Variants in LSAMP observed in about 807,000 individuals in gnomAD.
The protein encoded by LSAMP is limbic system associated membrane protein.
In LSAMP, 7 loss-of-function variants were observed where a neutral mutation model predicts 38.6. That is an observed-to-expected ratio of 0.18 (90% CI 0.10 to 0.34). The LOEUF is 0.34. Ranked by LOEUF, LSAMP falls within the 10% of genes least tolerant of loss-of-function variation. The pLI is 1.00. For missense variants in LSAMP, 313 were observed against 420.0 expected (o/e 0.75, Z 2.23); for synonymous variants, 154 against 166.8 (o/e 0.92, Z 0.59).
At chr3:115,939,574 T>TTCTTTCTTTCTTTC (rs1559889099) in intron 3 of LSAMP, among the ~76,000 whole-genome samples, 6 of 149,570 alleles carry the variant, frequency 4.0e-5, no homozygotes, top group East Asian at 2.0e-4. Context: ...CTTTCTTTCT[T>TTCTTTCTTTCTTTC]TCTTTCTTTC....
intron 1 of LSAMP, among the ~76,000 whole-genome samples, chr3:116,331,972 G>A (rs1165878442): frequency 1.3e-5 from 2 of 151,750 alleles, no homozygotes; most frequent in East Asian, 3.9e-4. Flanking sequence ...CAAGTAGCTG[G>A]GACTACAAGA....
At chr3:115,977,559 C>T (rs1223445607) in intron 3 of LSAMP, among the ~76,000 whole-genome samples, 3 of 152,138 alleles carry the variant, frequency 2.0e-5, no homozygotes, top group African/African-American at 7.2e-5. Flanking sequence ...TTGTCCTTTG[C>T]CTGAAATGCT....
chr3:116,433,972 C>A (rs534942839), intron 1 of LSAMP, among the ~76,000 whole-genome samples: 1 of 152,262 alleles, frequency 6.6e-6, no homozygotes, highest in East Asian at 1.9e-4. Context: ...TCCCAAAATA[C>A]CCCCATTTGC....
At chr3:115,932,276 G>A (rs143153889) in intron 3 of LSAMP, among the ~76,000 whole-genome samples, 292 of 152,248 alleles carry the variant, frequency 1.9e-3, no homozygotes, top group African/African-American at 6.7e-3. Flanking sequence ...TGGGAGAAAG[G>A]AAATTTGGAC....
intron 1 of LSAMP, among the ~76,000 whole-genome samples, chr3:116,184,256 A>C (rs1457968216): frequency 6.6e-6 from 1 of 151,868 alleles, no homozygotes; most frequent in Non-Finnish European, 1.5e-5. Context: ...CCAATGATGG[A>C]TTTTACTACC....
chr3:116,052,987 C>G (rs1253677242), intron 2 of LSAMP, among the ~76,000 whole-genome samples: 1 of 152,178 alleles, frequency 6.6e-6, no homozygotes, highest in Non-Finnish European at 1.5e-5. Flanking sequence ...TATAAGTCAG[C>G]CTGCTCTTAG....
chr3:115,872,655 C>T (rs10514760), intron 3 of LSAMP, among the ~76,000 whole-genome samples: 29,345 of 151,920 alleles, frequency 0.19, 3,697 homozygotes, highest in African/African-American at 0.34. Flanking sequence ...GAGGAAAGAA[C>T]GTAAGTATTT....
At chr3:116,407,934 T>G (rs1201509033) in intron 1 of LSAMP, among the ~76,000 whole-genome samples, 1 of 152,016 alleles carries the variant, frequency 6.6e-6, no homozygotes, top group East Asian at 1.9e-4. Flanking sequence ...TTTTATATAG[T>G]ATTAAAATAT....
At chr3:115,946,693 A>T (rs1275923732) in intron 3 of LSAMP, among the ~76,000 whole-genome samples, 1 of 152,180 alleles carries the variant, frequency 6.6e-6, no homozygotes, top group Non-Finnish European at 1.5e-5. Context: ...AAATTTTTGC[A>T]AACATTTAAG....
chr3:116,015,315 A>G (rs761008468), intron 3 of LSAMP, among the ~76,000 whole-genome samples: 20 of 152,170 alleles, frequency 1.3e-4, no homozygotes, highest in Non-Finnish European at 7.4e-5. Flanking sequence ...ACAACACATG[A>G]TGCACATTTG....
At chr3:116,100,050 A>G (rs139926789) in intron 1 of LSAMP, among the ~76,000 whole-genome samples, 1,861 of 128,518 alleles carry the variant, frequency 0.014, 41 homozygotes, top group African/African-American at 0.053. Flanking sequence ...TCATCTATAA[A>G]TTTAAGCTAG....
intron 2 of LSAMP, among the ~76,000 whole-genome samples, chr3:116,044,622 T>C (rs1214632874): frequency 7.3e-6 from 1 of 136,086 alleles, no homozygotes; most frequent in Non-Finnish European, 1.6e-5. Flanking sequence ...TAATTGTATC[T>C]AAAAAAAAAA....
At position 115,803,387 on chromosome 3, in the gene LSAMP, C is replaced by A. The variant is rs1041181389; in HGVS notation, c.*6930G>T. On this transcript the variant is annotated 3_prime_UTR_variant, in exon 7 of 7. Coordinates refer to ENST00000490035, the MANE Select transcript of LSAMP (RefSeq NM_002338.5). ...TTCAGACAATAAAATCAAAGGACAA[C>A]TTTGGATAGATGCTAACCTGAGCCT... is the stretch of plus-strand genomic sequence containing the variant. 1.3e-5 allele frequency: 2 copies of A among 152,214 alleles called. No homozygotes were observed. The highest frequency in any genetic ancestry group is 1.3e-4 in the Admixed American group (2 of 15,278). 9.4% of individuals were successfully genotyped at this position (152,214 alleles called of 1,614,324 possible).
chr3:116,291,251 C>T (rs2047263369), intron 1 of LSAMP, among the ~76,000 whole-genome samples: 1 of 152,086 alleles, frequency 6.6e-6, no homozygotes, highest in Non-Finnish European at 1.5e-5. Context: ...GAGAAGATAA[C>T]AGTCAGCTTA....
intron 1 of LSAMP, among the ~76,000 whole-genome samples, chr3:116,250,697 A>AC (rs1216938862): frequency 1.4e-4 from 3 of 21,778 alleles, no homozygotes; most frequent in Non-Finnish European, 3.5e-4. Context: ...CCTTGTATCT[A>AC]CAAAAAAAAA....
intron 1 of LSAMP, among the ~76,000 whole-genome samples, chr3:116,339,858 A>G (rs1437680271): frequency 1.3e-5 from 2 of 152,046 alleles, no homozygotes; most frequent in African/African-American, 4.8e-5. Flanking sequence ...ATTACCAGTT[A>G]CCAACCACTG....
chr3:116,259,597 T>C (rs1164042333), intron 1 of LSAMP, among the ~76,000 whole-genome samples: 3 of 152,196 alleles, frequency 2.0e-5, no homozygotes, highest in African/African-American at 7.2e-5. Flanking sequence ...GCCAATGTAA[T>C]AATGATGTGC....
intron 3 of LSAMP, among the ~76,000 whole-genome samples, chr3:115,985,865 ACT>A (rs1390918865): frequency 6.6e-6 from 1 of 152,058 alleles, no homozygotes; most frequent in Non-Finnish European, 1.5e-5. Context: ...ATCTCATGAG[ACT>A]CTGAGGCAGA....
chr3:116,300,162 T>C (rs2047387426), intron 1 of LSAMP, among the ~76,000 whole-genome samples: 1 of 152,172 alleles, frequency 6.6e-6, no homozygotes, highest in Non-Finnish European at 1.5e-5. Flanking sequence ...CGGTCCCATT[T>C]TTTAGGTTCC....
Sources: gnomAD v4.1 joint callset for allele counts (sites outside exome capture counted in the v4.1 genomes callset) on GRCh38, gnomAD v4.1.1 for gene constraint, MANE v1.5 for transcripts, NCBI Gene and HGNC (gene_info 2026-07-23, HGNC 2026-07-21) for gene names.